TRIM34: variants seen among roughly 807,000 people sequenced by gnomAD.
The protein encoded by TRIM34 is E3 ubiquitin-protein ligase TRIM34.
TRIM34 carries 41 observed loss-of-function variants against 38.1 expected under a neutral mutation model. The ratio of observed to expected loss-of-function variants is 1.08; its 90% CI spans 0.84 to 1.40. TRIM34 has a LOEUF of 1.40. TRIM34 is among the 40% of genes most tolerant of loss of function. The pLI is 0.00. For missense variants in TRIM34, 556 were observed against 571.4 expected (o/e 0.97, Z 0.27); for synonymous variants, 200 against 202.5 (o/e 0.99, Z 0.10).
chr11:5,632,815 T>A, intron 2 of TRIM34, 61 bp downstream of exon 2: 1 of 1,412,640 alleles, frequency 7.1e-7, no homozygotes, highest in South Asian at 1.6e-5. Flanking sequence ...AATCTCACCT[T>A]TTCATCCTTT....
rs79610103 is a variant in TRIM34 at position 5,638,776 on chromosome 11, G to A, written c.751-2391G>A. On this transcript the variant is annotated intron_variant, in intron 4 of 7. Transcript: ENST00000429814. ...TGGAATGTAGTATTGTACCTGTACA[G>A]AATGAAGTCTAGCTGCTTTTTTTCA... Among the ~76,000 whole-genome samples, 599 of 152,310 alleles carry A rather than the reference G, an allele frequency of 3.9e-3. 2 individuals are homozygous for A. Among genetic ancestry groups the A allele is most frequent in the Middle Eastern group, 0.027 (8 of 294 alleles).
intron 6 of TRIM34, 108 bp downstream of exon 6, chr11:5,642,614 T>G: frequency 1.9e-5 from 25 of 1,311,942 alleles, no homozygotes; most frequent in African/African-American, 3.0e-5. Flanking sequence ...AGGAGGGAGG[T>G]CAGAGAATAA....
At chr11:5,634,535 AT>A (rs1259317017) in intron 3 of TRIM34, 95 bp from the exon 4 acceptor site, 54 of 806,136 alleles carry the variant, frequency 6.7e-5, no homozygotes, top group Non-Finnish European at 8.6e-5. Flanking sequence ...ACACACATAT[AT>A]ATATATATAT....
At chr11:5,643,035 C>T (rs1850083955) in intron 7 of TRIM34, 109 bp from the exon 8 acceptor site, 1 of 1,288,726 alleles carries the variant, frequency 7.8e-7, no homozygotes, top group African/African-American at 1.5e-5. Flanking sequence ...CAAGTTCGTT[C>T]ATCACCATGT....
chr11:5,633,153 T>C (rs1367513498), intron 2 of TRIM34, among the ~76,000 whole-genome samples: 288 of 148,568 alleles, frequency 1.9e-3, no homozygotes, highest in African/African-American at 6.8e-3. Flanking sequence ...TTTCTTTTTT[T>C]TTTTTTTTTT....
rs753065007 is a variant in TRIM34 at position 5,643,202 on chromosome 11, G to C, written c.960G>C (p.Gln320His). 1.2e-6 allele frequency: 2 copies of C among 1,610,062 alleles called. No homozygotes were observed. Among genetic ancestry groups the C allele is most frequent in the East Asian group, 4.5e-5 (2 of 44,784 alleles). ...TGAATCTTGTCCTTTCAGAAGATCA[G>C]AGACAAGTGATATCTGTGCCAATTT... ...LNLNLVLSED[Q>H]RQVISVPIWP... Residue 320 changes from glutamine (Q) to histidine (H), a missense_variant, in exon 8 of 8, where the codon CAG becomes CAC. Physicochemically the swap from Gln to His is conservative, Grantham distance 24. Transcript: ENST00000429814.
rs376007323 is a variant in TRIM34, at chr11:5,633,757, A to G, written c.424-47A>G. On this transcript the variant is annotated intron_variant, in intron 2 of 7. Transcript: ENST00000429814. The stretch of plus-strand genomic sequence containing the variant: ...TTCCCTGTTTGTCCTCTATCCAGAT[A>G]CTAAGAAAGCTTATAGCTTGACTGT... The G allele has an allele frequency of 3.2e-6, 5 of 1,572,436 alleles. No homozygotes were observed. In the Admixed American group the frequency reaches 5.8e-5, roughly 18 times the overall value.
At chr11:5,632,216 T>G in intron 1 of TRIM34, 39 bp from the exon 2 acceptor site, 1 of 1,532,718 alleles carries the variant, frequency 6.5e-7, no homozygotes, top group Non-Finnish European at 8.7e-7. Context: ...TGCTTTTTAT[T>G]TGTACCATTC....
chr11:5,621,850 T>C (rs1346865692), upstream of TRIM34, among the ~76,000 whole-genome samples: 10 of 152,254 alleles, frequency 6.6e-5, no homozygotes, highest in South Asian at 1.2e-3. Flanking sequence ...GCTTGAGTTG[T>C]CCTGCCTTTT....
chr11:5,641,330 C>A, intron 5 of TRIM34, 141 bp downstream of exon 5: 1 of 1,534,520 alleles, frequency 6.5e-7, no homozygotes, highest in African/African-American at 1.4e-5. Context: ...AATTGCTGGT[C>A]CCCGATGAGT....
chr11:5,622,123 T>C (rs951215425), upstream of TRIM34, among the ~76,000 whole-genome samples: 4 of 152,172 alleles, frequency 2.6e-5, no homozygotes, highest in African/African-American at 7.2e-5. Context: ...TGCATGTCCA[T>C]TGAACTCAGA....
In TRIM34 at chr11:5,644,249, T is replaced by C; in HGVS notation, c.*540T>C. 1 of 398,862 alleles carries C rather than the reference T, an allele frequency of 2.5e-6. No homozygotes were observed. 24.7% of individuals were successfully genotyped at this position (398,862 alleles called of 1,614,324 possible). A position where few individuals can be genotyped will look rare whatever the true frequency, so the allele number is the denominator to read the frequency against. Reference sequence around the variant, plus strand: ...TTGTTTTCTAATCATGATGAATACTTTCTCAGTTTCTTTTTCCTGAAATAT... The same window carrying C: ...TTGTTTTCTAATCATGATGAATACTCTCTCAGTTTCTTTTTCCTGAAATAT... On this transcript the variant is annotated 3_prime_UTR_variant, in exon 8 of 8. Coordinates refer to ENST00000429814, the MANE Select transcript of TRIM34 (RefSeq NM_021616.6).
At chr11:5,624,928 A>C (rs1162823912), upstream of TRIM34, 1 of 152,300 alleles carries the variant, frequency 6.6e-6, no homozygotes, top group African/African-American at 2.4e-5. Context: ...TTCATTTCTC[A>C]GGCAGTTCCT....
intron 4 of TRIM34, among the ~76,000 whole-genome samples, chr11:5,636,366 A>C (rs183940630): frequency 1.3e-4 from 20 of 152,300 alleles, no homozygotes; most frequent in African/African-American, 4.8e-4. Context: ...AGCTCTGGGG[A>C]AGAATAGGAA....
chr11:5,643,762 T>G lies in TRIM34; in HGVS notation c.*53T>G. 2.0e-6 allele frequency: 3 copies of G among 1,525,526 alleles called. No individual in the cohort carries two copies. The highest frequency in any genetic ancestry group is 2.7e-5 in the South Asian group (2 of 74,268). 94.5% of individuals were successfully genotyped at this position (1,525,526 alleles called of 1,614,324 possible). ...TTTGTCTTGACTTATCTCCTGCAAC[T>G]GACTCATCTGCAACATTCACACCAT... On this transcript the variant is annotated 3_prime_UTR_variant, in exon 8 of 8. Transcript: ENST00000429814.
At chr11:5,635,663 CA>C (rs1363923982) in intron 4 of TRIM34, among the ~76,000 whole-genome samples, 1 of 152,080 alleles carries the variant, frequency 6.6e-6, no homozygotes, top group Admixed American at 6.5e-5. Flanking sequence ...GCTGAATTTC[CA>C]AATATTTCCT....
chr11:5,634,530 C>CACACACACACACACACACACACACAT (rs1491498839), intron 3 of TRIM34, 101 bp from the exon 4 acceptor site: 1 of 203,918 alleles, frequency 4.9e-6, no homozygotes, highest in African/African-American at 3.4e-5. Flanking sequence ...CACACACACA[C>CACACACACACACACACACACACACAT]ATATATATAT....
At chr11:5,623,252 T>C (rs557519689), upstream of TRIM34, among the ~76,000 whole-genome samples, 41 of 152,156 alleles carry the variant, frequency 2.7e-4, no homozygotes, top group Admixed American at 7.2e-4. Flanking sequence ...TTTTACACTA[T>C]CTAAATGTAT....
chr11:5,635,873 AG>A (rs2133937804), intron 4 of TRIM34, among the ~76,000 whole-genome samples: 1 of 152,348 alleles, frequency 6.6e-6, no homozygotes, highest in Admixed American at 6.5e-5. Flanking sequence ...TAATAAAAAA[AG>A]ATGGACAATA....
Sources: allele counts gnomAD v4.1 joint callset (sites outside exome capture counted in the v4.1 genomes callset), GRCh38; gene constraint gnomAD v4.1.1; transcripts MANE v1.5; gene names NCBI Gene and HGNC (gene_info 2026-07-23, HGNC 2026-07-21).